The following SRGAP2 variants were observed in gnomAD, a reference collection of about 807,000 sequenced individuals.
SRGAP2 encodes the protein SLIT-ROBO Rho GTPase activating protein 2.
Under a neutral mutation model 57.2 loss-of-function variants are expected in SRGAP2, and 15 were observed. The observed-to-expected ratio is 0.26, with a 90% CI of 0.18 to 0.40. SRGAP2 has a LOEUF of 0.40. Among genes scored for constraint, SRGAP2 ranks in the 10% least tolerant of loss-of-function variants. SRGAP2 has a pLI of 1.00. For missense variants in SRGAP2, 520 were observed against 669.6 expected (o/e 0.78, Z 2.47); for synonymous variants, 249 against 248.0 (o/e 1.00, Z -0.04).
chr1:206,431,270 A>T (rs1661257435), intron 14 of SRGAP2, among the ~76,000 whole-genome samples: 1 of 152,238 alleles, frequency 6.6e-6, no homozygotes, highest in Admixed American at 6.5e-5. Context: ...AAATTTATCA[A>T]GTCCCTGATC....
intron 3 of SRGAP2, among the ~76,000 whole-genome samples, chr1:206,322,390 G>A (rs1673520924): frequency 6.7e-6 from 1 of 148,964 alleles, no homozygotes; most frequent in African/African-American, 2.5e-5. Context: ...TGGCTAACAC[G>A]GTGAAACCCT....
At chr1:206,448,394 T>G (rs1662954032) in intron 18 of SRGAP2, among the ~76,000 whole-genome samples, 1 of 152,092 alleles carries the variant, frequency 6.6e-6, no homozygotes, top group South Asian at 2.1e-4. Flanking sequence ...CCTCAGGTAT[T>G]TTTGGGTCTG....
At chr1:206,446,418 A>G (rs1163558909) in intron 18 of SRGAP2, 119 bp downstream of exon 18, 3 of 696,498 alleles carry the variant, frequency 4.3e-6, no homozygotes, top group Non-Finnish European at 7.9e-6. Context: ...CCTCACTCCC[A>G]GGCTGCTAGG....
intron 14 of SRGAP2, 24 bp downstream of exon 14, chr1:206,430,246 CA>C (rs1553367921): frequency 1.3e-6 from 1 of 780,506 alleles, no homozygotes; most frequent in South Asian, 1.3e-5. Context: ...CAGCCTTGTC[CA>C]TATTTGTGCA....
At chr1:206,268,517 G>T (rs1295051502) in intron 2 of SRGAP2, among the ~76,000 whole-genome samples, 10 of 152,116 alleles carry the variant, frequency 6.6e-5, no homozygotes, top group Non-Finnish European at 1.2e-4. Context: ...GGGTGTAAAT[G>T]ATATATGTTC....
At chr1:206,358,785 AT>A (rs1201702864) in intron 4 of SRGAP2, among the ~76,000 whole-genome samples, 22 of 150,332 alleles carry the variant, frequency 1.5e-4, no homozygotes, top group African/African-American at 5.4e-4. Context: ...GTTTAATAAT[AT>A]TATTTTATTG....
chr1:206,306,730 CAG>C (rs1339961473), intron 3 of SRGAP2, among the ~76,000 whole-genome samples: 1 of 152,174 alleles, frequency 6.6e-6, no homozygotes, highest in Admixed American at 6.5e-5. Flanking sequence ...TAGTTAGATA[CAG>C]AGTTTTGACA....
At chr1:206,231,441 A>G (rs1422554236) in intron 2 of SRGAP2, among the ~76,000 whole-genome samples, 3 of 151,698 alleles carry the variant, frequency 2.0e-5, no homozygotes, top group Non-Finnish European at 4.4e-5. Context: ...AAGCAGGTAT[A>G]TGGGGCTAAA....
rs1553382045 is a variant in SRGAP2 at position 206,464,107 on chromosome 1, A to G, written c.*2687A>G. The G allele has an allele frequency of 6.6e-6, 1 of 152,526 alleles. No individual in the cohort carries two copies. Among genetic ancestry groups the G allele is most frequent in the East Asian group, 1.9e-4 (1 of 5,186 alleles). 9.4% of individuals were successfully genotyped at this position (152,526 alleles called of 1,614,324 possible). On this transcript the variant is annotated 3_prime_UTR_variant, in exon 23 of 23. Coordinates refer to ENST00000573034, the MANE Select transcript of SRGAP2 (RefSeq NM_015326.5). ...AAACTGGAAACACTGGTCTCAGCCA[A>G]CCTCCTCAGGGCGCCCTGGCTTCTC...
chr1:206,342,417 TCTTA>T (rs1413099217), intron 3 of SRGAP2, among the ~76,000 whole-genome samples: 1 of 151,076 alleles, frequency 6.6e-6, no homozygotes, highest in African/African-American at 2.4e-5. Flanking sequence ...CCTGGCGCCC[TCTTA>T]CTTGTTGTGT....
At chr1:206,328,024 T>G (rs1156833366) in intron 3 of SRGAP2, among the ~76,000 whole-genome samples, 1 of 139,556 alleles carries the variant, frequency 7.2e-6, no homozygotes, top group East Asian at 2.0e-4. Flanking sequence ...GATCTCATTG[T>G]TCAAATCCCA....
At chr1:206,441,296 C>T (rs1332646808) in intron 17 of SRGAP2, among the ~76,000 whole-genome samples, 2 of 152,144 alleles carry the variant, frequency 1.3e-5, no homozygotes, top group African/African-American at 4.8e-5. Context: ...GCTGCCAGTG[C>T]AGGAGTTGCC....
At chr1:206,276,683 G>C (rs1178511181) in intron 2 of SRGAP2, among the ~76,000 whole-genome samples, 1 of 152,132 alleles carries the variant, frequency 6.6e-6, no homozygotes, top group South Asian at 2.1e-4. Context: ...AATCCTTTCC[G>C]GGGTTTTCCT....
At chr1:206,254,986 GC>G (rs1485221725) in intron 2 of SRGAP2, among the ~76,000 whole-genome samples, 1 of 150,906 alleles carries the variant, frequency 6.6e-6, no homozygotes, top group African/African-American at 2.4e-5. Context: ...TTGCCAAACT[GC>G]CCTCACTGGA....
chr1:206,309,147 C>A, intron 3 of SRGAP2, among the ~76,000 whole-genome samples: 2 of 140,204 alleles, frequency 1.4e-5, no homozygotes, highest in African/African-American at 5.6e-5. Flanking sequence ...GCCTGGGTGA[C>A]AGAGTGAGAC....
chr1:206,249,060 T>TG (rs1455933229), intron 2 of SRGAP2, among the ~76,000 whole-genome samples: 1 of 152,298 alleles, frequency 6.6e-6, no homozygotes. Context: ...ACTACTCTCC[T>TG]GCTCTTTCTC....
At chr1:206,314,720 A>G (rs1395060474) in intron 3 of SRGAP2, among the ~76,000 whole-genome samples, 1 of 152,014 alleles carries the variant, frequency 6.6e-6, no homozygotes, top group Non-Finnish European at 1.5e-5. Flanking sequence ...CCTTTGTATC[A>G]TCTGTGATAC....
chr1:206,392,031 A>G (rs1657027527), intron 5 of SRGAP2, among the ~76,000 whole-genome samples: 1 of 151,178 alleles, frequency 6.6e-6, no homozygotes, highest in African/African-American at 2.4e-5. Context: ...GAATTGTCCT[A>G]AGGATGAAAT....
rs564596416 is a variant in SRGAP2, at chr1:206,253,611, C to G, written c.67+47574C>G. Among the ~76,000 whole-genome samples, 548 of 139,716 alleles carry G rather than the reference C, an allele frequency of 3.9e-3. 5 individuals carry two copies. Among genetic ancestry groups the G allele is most frequent in the African/African-American group, 0.014 (520 of 37,628 alleles). The allele number at this position is 139,716 out of a possible 152,430, so 91.7% of individuals were successfully genotyped here. A position where few individuals can be genotyped will look rare whatever the true frequency, so the allele number is the denominator to read the frequency against. On this transcript the variant is annotated intron_variant, in intron 2 of 22. Transcript: ENST00000573034. Reference sequence around the variant, plus strand: ...TTTTTTTTGAGGCGGAGTCTCACTCCGTCCCCCAGGCTGGAGTGCAGTGGC... The same window carrying G: ...TTTTTTTTGAGGCGGAGTCTCACTCGGTCCCCCAGGCTGGAGTGCAGTGGC...
Sources: gnomAD v4.1 joint callset for allele counts (sites outside exome capture counted in the v4.1 genomes callset) on GRCh38, gnomAD v4.1.1 for gene constraint, MANE v1.5 for transcripts, NCBI Gene and HGNC (gene_info 2026-07-23, HGNC 2026-07-21) for gene names.